The following RNF168 variants were observed in gnomAD, a reference collection of about 807,000 sequenced individuals.
RNF168 encodes the protein ring finger protein 168.
Under a neutral mutation model 34.9 loss-of-function variants are expected in RNF168, and 34 were observed. The ratio of observed to expected loss-of-function variants is 0.97; its 90% CI spans 0.74 to 1.30. The LOEUF (loss-of-function observed/expected upper bound fraction) is 1.30, where lower values mean the gene tolerates loss of function less well. Among genes scored for constraint, RNF168 ranks in the 50% most tolerant of loss-of-function variants. The probability of loss-of-function intolerance (pLI) is 0.00; values close to 1 mark genes in which losing one functional copy is unlikely to be tolerated. For synonymous variants in RNF168, 264 were observed against 254.7 expected (o/e 1.04, Z -0.35); for missense variants, 725 against 682.5 (o/e 1.06, Z -0.69).
At position 196,472,354 on chromosome 3, in the gene RNF168, G is replaced by C. The variant is rs756533315; in HGVS notation, c.1181C>G (p.Ser394Cys). 1 of 1,614,052 alleles carries C rather than the reference G, an allele frequency of 6.2e-7. No homozygotes were observed. The highest frequency in any genetic ancestry group is 1.7e-5 in the Admixed American group (1 of 59,986). Residue 394 changes from serine to cysteine, a missense_variant, in exon 6 of 6, where the codon TCC becomes TGC. Physicochemically the swap from Ser to Cys is moderately radical, Grantham distance 112. Transcript: ENST00000318037. The part of the protein sequence containing the change: ...EISKRKNQES[S>C]FEAVKDPCFS... ...GCATGGATCCTTGACTGCTTCAAAG[G>C]AAGATTCTTGGTTTTTTCTTTTGGA... is the stretch of plus-strand genomic sequence containing the variant.
chr3:196,492,661 C>A (rs1214034577), intron 1 of RNF168, among the ~76,000 whole-genome samples: 3 of 152,012 alleles, frequency 2.0e-5, no homozygotes, highest in Admixed American at 6.6e-5. Flanking sequence ...GCCTGTAATC[C>A]CAGCTACTCA....
chr3:196,503,586 G>A lies in RNF168; in HGVS notation c.-413C>T, dbSNP rs1203417318. 1 of 238,134 alleles carries A rather than the reference G, an allele frequency of 4.2e-6. No individual in the cohort carries two copies. Among genetic ancestry groups the A allele is most frequent in the Non-Finnish European group, 8.5e-6 (1 of 117,546 alleles). The allele number at this position is 238,134 out of a possible 1,614,324, so 14.8% of individuals were successfully genotyped here. ...AGCCGGGCCCCGGGACGCGGCTCCGGGAGGAAGCCCGGGCTCCGGCTGCAG... is the reference window on the plus strand; with the variant it reads ...AGCCGGGCCCCGGGACGCGGCTCCGAGAGGAAGCCCGGGCTCCGGCTGCAG... On this transcript the variant is annotated 5_prime_UTR_variant, in exon 1 of 6. Coordinates refer to ENST00000318037, the MANE Select transcript of RNF168 (RefSeq NM_152617.4).
At chr3:196,476,449 C>G (rs1348789201) in intron 4 of RNF168, among the ~76,000 whole-genome samples, 1 of 149,448 alleles carries the variant, frequency 6.7e-6, no homozygotes, top group Non-Finnish European at 1.5e-5. Context: ...CGGAGTCTTG[C>G]TCTGTCACCC....
At chr3:196,477,735 CT>C (rs1732182537) in intron 4 of RNF168, among the ~76,000 whole-genome samples, 2 of 152,162 alleles carry the variant, frequency 1.3e-5, no homozygotes, top group Admixed American at 6.5e-5. Flanking sequence ...CATTAACTCT[CT>C]TGGATATTCC....
chr3:196,485,618 G>C (rs565319214), intron 3 of RNF168, among the ~76,000 whole-genome samples: 4 of 151,638 alleles, frequency 2.6e-5, no homozygotes, highest in Non-Finnish European at 4.4e-5. Context: ...CTTTTATTTA[G>C]TTTCCTGATT....
In RNF168 at chr3:196,503,168, A is replaced by T. The variant is rs986946195; in HGVS notation, c.6T>A (p.Ala2=). The T allele has an allele frequency of 6.2e-7, 1 of 1,613,846 alleles. No homozygotes were observed. Among genetic ancestry groups the T allele is most frequent in the Non-Finnish European group, 8.5e-7 (1 of 1,179,822 alleles). The part of the protein sequence containing the change: M[A]LPKDAIPSLS... ...GCGAGGGGATGGCGTCTTTGGGTAG[A>T]GCCATTTCAATATGTTAGTAAAGCC... The change falls in exon 1 of 6, where the codon GCT becomes GCA. Residue 2 remains alanine, a synonymous_variant. Coordinates refer to ENST00000318037, the MANE Select transcript of RNF168 (RefSeq NM_152617.4).
chr3:196,498,626 TCAG>T (rs1408718763), intron 1 of RNF168, among the ~76,000 whole-genome samples: 1 of 152,090 alleles, frequency 6.6e-6, no homozygotes, highest in African/African-American at 2.4e-5. Flanking sequence ...AAGCACTGTA[TCAG>T]TGGAGAATGG....
chr3:196,475,254 C>G lies in RNF168; in HGVS notation c.739G>C (p.Val247Leu), dbSNP rs1386028101. 1 of 1,608,698 alleles carries G rather than the reference C, an allele frequency of 6.2e-7. No homozygotes were observed. The highest frequency in any genetic ancestry group is 8.5e-7 in the Non-Finnish European group (1 of 1,175,202). The change falls in exon 5 of 6, where the codon GTC becomes CTC. Residue 247 changes from valine (V) to leucine (L), a missense_variant. Coordinates refer to ENST00000318037, the MANE Select transcript of RNF168 (RefSeq NM_152617.4). Reference protein sequence around the residue: ...SASHSEAVQEVRKDSVSKDID... With the variant: ...SASHSEAVQELRKDSVSKDID... Reference sequence around the variant, plus strand: ...ACCTTAGATACGGAGTCTTTCCTGACTTCTTGTACAGCTTCAGAGTGTGAG... The same window carrying G: ...ACCTTAGATACGGAGTCTTTCCTGAGTTCTTGTACAGCTTCAGAGTGTGAG...
rs183598683 is a variant in RNF168 at position 196,502,856 on chromosome 3, C to G, written c.301+17G>C. On this transcript the variant is annotated intron_variant, in intron 1 of 5. Coordinates refer to ENST00000318037, the MANE Select transcript of RNF168 (RefSeq NM_152617.4). ...ACTTGCGGCTTTTGGCCAACAAACA[C>G]GCCATGGTTTACTCACCCACTTCCT... The G allele has an allele frequency of 6.2e-7, 1 of 1,609,024 alleles. No homozygotes were observed. The highest frequency in any genetic ancestry group is 1.1e-5 in the South Asian group (1 of 90,988).
intron 4 of RNF168, 59 bp downstream of exon 4, chr3:196,483,711 C>A (rs890191843): frequency 6.9e-7 from 1 of 1,453,262 alleles, no homozygotes; most frequent in Non-Finnish European, 9.6e-7. Context: ...TCTATATGAA[C>A]AGAAAACACT....
At chr3:196,485,840 T>G (rs1732410043) in intron 3 of RNF168, among the ~76,000 whole-genome samples, 1 of 152,208 alleles carries the variant, frequency 6.6e-6, no homozygotes, top group Non-Finnish European at 1.5e-5. Flanking sequence ...GTTAAGATAT[T>G]CGTTGTTTGA....
chr3:196,475,953 G>A (rs577855933), intron 4 of RNF168, among the ~76,000 whole-genome samples: 3 of 151,524 alleles, frequency 2.0e-5, no homozygotes, highest in Admixed American at 6.6e-5. Flanking sequence ...TCCGCCTCCC[G>A]GGTTTAAGCG....
chr3:196,475,421 T>TTG, intron 4 of RNF168, 109 bp from the exon 5 acceptor site: 1 of 724,008 alleles, frequency 1.4e-6, no homozygotes, highest in Non-Finnish European at 2.5e-6. Context: ...GCTTGGCTGT[T>TTG]TTATCAGAGT....
chr3:196,487,271 G>A (rs1732452353), intron 3 of RNF168, 128 bp downstream of exon 3: 5 of 864,346 alleles, frequency 5.8e-6, no homozygotes, highest in South Asian at 5.3e-5. Flanking sequence ...CCAGCCTGGG[G>A]TGGAAAAGAC....
chr3:196,487,192 A>G (rs935982145), intron 3 of RNF168, among the ~76,000 whole-genome samples: 1 of 152,218 alleles, frequency 6.6e-6, no homozygotes, highest in Non-Finnish European at 1.5e-5. Context: ...TTTGAAAACC[A>G]CAGTCAAAGC....
intron 4 of RNF168, among the ~76,000 whole-genome samples, chr3:196,477,804 C>A (rs373706496): frequency 8.5e-5 from 13 of 152,300 alleles, no homozygotes; most frequent in African/African-American, 3.1e-4. Flanking sequence ...ATAAGCAGAA[C>A]TGGCCGTGGT....
chr3:196,491,743 T>G (rs75722688), intron 1 of RNF168, among the ~76,000 whole-genome samples: 1 of 149,266 alleles, frequency 6.7e-6, no homozygotes, highest in South Asian at 2.1e-4. Flanking sequence ...CAACACTTGG[T>G]TTTTTTTTTA....
At chr3:196,483,748 A>T in intron 4 of RNF168, 22 bp downstream of exon 4, 1 of 1,602,400 alleles carries the variant, frequency 6.2e-7, no homozygotes, top group Non-Finnish European at 8.5e-7. Context: ...TCAACAAATA[A>T]TTCATAGTCA....
chr3:196,503,209 C>T lies in RNF168; in HGVS notation c.-36G>A. 1 of 1,588,684 alleles carries T rather than the reference C, an allele frequency of 6.3e-7. No homozygotes were observed. The highest frequency in any genetic ancestry group is 8.6e-7 in the Non-Finnish European group (1 of 1,157,136). ...TAGTAAAGCCGACTAAACAACGACA[C>T]CTGCACGAAAAAGAATCCTATTTTC... On this transcript the variant is annotated 5_prime_UTR_variant, in exon 1 of 6. The change creates a new upstream start codon in the 5' untranslated region. Coordinates refer to ENST00000318037, the MANE Select transcript of RNF168 (RefSeq NM_152617.4).
Sources: gnomAD v4.1 joint callset for allele counts (sites outside exome capture counted in the v4.1 genomes callset) on GRCh38, gnomAD v4.1.1 for gene constraint, MANE v1.5 for transcripts, NCBI Gene and HGNC (gene_info 2026-07-23, HGNC 2026-07-21) for gene names.